The following PTPRD variants were observed in gnomAD, a reference collection of about 807,000 sequenced individuals.
PTPRD encodes protein tyrosine phosphatase receptor type D.
A neutral mutation model predicts 214.5 loss-of-function variants in PTPRD; 34 were observed. That is an observed-to-expected ratio of 0.16 (90% CI 0.12 to 0.21). PTPRD has a LOEUF of 0.21. PTPRD is among the 10% of genes least tolerant of loss of function. The probability of loss-of-function intolerance (pLI) is 1.00; values close to 1 mark genes in which losing one functional copy is unlikely to be tolerated. For synonymous variants in PTPRD, 1,128 were observed against 845.7 expected (o/e 1.33, Z -5.79); for missense variants, 2,545 against 2,398.7 (o/e 1.06, Z -1.27).
intron 22 of PTPRD, among the ~76,000 whole-genome samples, chr9:8,506,246 GA>G (rs1351295145): frequency 2.6e-5 from 4 of 152,106 alleles, no homozygotes; most frequent in Admixed American, 2.0e-4. Flanking sequence ...ACTTTGTGAA[GA>G]TTTTTTTTTC....
chr9:10,142,675 T>C (rs2154268606), intron 3 of PTPRD, among the ~76,000 whole-genome samples: 1 of 148,820 alleles, frequency 6.7e-6, no homozygotes, highest in South Asian at 2.2e-4. Flanking sequence ...ACACTGTTGG[T>C]GGGACTGTAA....
intron 9 of PTPRD, among the ~76,000 whole-genome samples, chr9:9,200,475 A>G (rs2099941228): frequency 6.6e-6 from 1 of 152,210 alleles, no homozygotes; most frequent in African/African-American, 2.4e-5. Context: ...CCTATGAGCA[A>G]TATATTTTGT....
intron 44 of PTPRD, among the ~76,000 whole-genome samples, chr9:8,324,514 G>C (rs1831651525): frequency 6.6e-6 from 1 of 152,060 alleles, no homozygotes; most frequent in South Asian, 2.1e-4. Context: ...TGGACATTTG[G>C]GTTGCTTACA....
chr9:10,248,613 C>T (rs187655129), intron 3 of PTPRD, among the ~76,000 whole-genome samples: 20 of 151,362 alleles, frequency 1.3e-4, no homozygotes, highest in Non-Finnish European at 1.3e-4. Flanking sequence ...TAAAAGTTTC[C>T]GTACCAGACA....
chr9:10,447,078 C>T (rs2098805208), intron 2 of PTPRD, among the ~76,000 whole-genome samples: 1 of 152,082 alleles, frequency 6.6e-6, no homozygotes, highest in African/African-American at 2.4e-5. Flanking sequence ...AGAGAGAAAA[C>T]TTTTGCCAAC....
At chr9:10,481,726 T>A (rs763997240) in intron 2 of PTPRD, among the ~76,000 whole-genome samples, 92 of 152,194 alleles carry the variant, frequency 6.0e-4, no homozygotes, top group Non-Finnish European at 1.1e-3. Flanking sequence ...AGTGAAAACA[T>A]TTTTTAATTA....
chr9:8,826,681 C>G (rs2097182280), intron 11 of PTPRD, among the ~76,000 whole-genome samples: 1 of 147,736 alleles, frequency 6.8e-6, no homozygotes, highest in Admixed American at 6.8e-5. Context: ...ATTGTGTATT[C>G]ATCCATTATT....
At chr9:8,990,124 TTTAA>T (rs1332502941) in intron 11 of PTPRD, among the ~76,000 whole-genome samples, 1 of 152,134 alleles carries the variant, frequency 6.6e-6, no homozygotes, top group African/African-American at 2.4e-5. Flanking sequence ...GCCACAAAAC[TTTAA>T]TATCTCCAAG....
At chr9:10,446,583 A>T (rs1291944121) in intron 2 of PTPRD, among the ~76,000 whole-genome samples, 3 of 151,976 alleles carry the variant, frequency 2.0e-5, no homozygotes, top group Non-Finnish European at 2.9e-5. Flanking sequence ...GTTCTTTTCA[A>T]ACTGAGGAGC....
intron 5 of PTPRD, among the ~76,000 whole-genome samples, chr9:9,810,134 A>T (rs1304243495): frequency 2.8e-5 from 1 of 35,344 alleles, no homozygotes. Flanking sequence ...CTTCCAGGTT[A>T]AAAAAAAAAA....
At chr9:8,920,553 A>C (rs1272051136) in intron 11 of PTPRD, among the ~76,000 whole-genome samples, 1 of 152,130 alleles carries the variant, frequency 6.6e-6, no homozygotes, top group Non-Finnish European at 1.5e-5. Context: ...TCACACATAA[A>C]ATACACTAAC....
intron 9 of PTPRD, among the ~76,000 whole-genome samples, chr9:9,329,912 C>A (rs535732187): frequency 6.6e-6 from 1 of 152,154 alleles, no homozygotes; most frequent in Non-Finnish European, 1.5e-5. Flanking sequence ...ATTCCTAGGG[C>A]CCTACCTTCT....
At chr9:10,495,056 T>A (rs1253064805) in intron 2 of PTPRD, among the ~76,000 whole-genome samples, 1 of 151,836 alleles carries the variant, frequency 6.6e-6, no homozygotes, top group Non-Finnish European at 1.5e-5. Flanking sequence ...TTCACATTTA[T>A]CACATGATTT....
chr9:9,682,754 C>CA (rs2097098434), intron 7 of PTPRD, among the ~76,000 whole-genome samples: 1 of 151,708 alleles, frequency 6.6e-6, no homozygotes, highest in South Asian at 2.1e-4. Flanking sequence ...CTCCAGCATG[C>CA]AAAATCCTTT....
intron 5 of PTPRD, among the ~76,000 whole-genome samples, chr9:9,936,995 T>A (rs1335682714): frequency 6.6e-6 from 1 of 151,610 alleles, no homozygotes; most frequent in African/African-American, 2.4e-5. Context: ...AAACCCCACA[T>A]ATTCTCACTC....
chr9:9,919,070 C>T (rs1230164544), intron 5 of PTPRD, among the ~76,000 whole-genome samples: 1 of 151,996 alleles, frequency 6.6e-6, no homozygotes, highest in Non-Finnish European at 1.5e-5. Context: ...TGTTAAACAA[C>T]TAAAAATAGC....
chr9:9,802,692 G>A (rs1358205324), intron 5 of PTPRD, among the ~76,000 whole-genome samples: 1 of 151,474 alleles, frequency 6.6e-6, no homozygotes. Flanking sequence ...ATCCAGAATA[G>A]GACCTAGCTT....
intron 7 of PTPRD, among the ~76,000 whole-genome samples, chr9:9,599,703 G>C (rs2093615478): frequency 6.6e-6 from 1 of 151,422 alleles, no homozygotes; most frequent in African/African-American, 2.4e-5. Context: ...AATTCTAATT[G>C]CTATAATCAG....
At chr9:9,479,953 G>T (rs1461916659) in intron 8 of PTPRD, among the ~76,000 whole-genome samples, 1 of 152,146 alleles carries the variant, frequency 6.6e-6, no homozygotes, top group Non-Finnish European at 1.5e-5. Flanking sequence ...AGGCTACTCA[G>T]AAAGACTGTC....
Sources: gnomAD v4.1 joint callset for allele counts (sites outside exome capture counted in the v4.1 genomes callset) on GRCh38, gnomAD v4.1.1 for gene constraint, MANE v1.5 for transcripts, NCBI Gene and HGNC (gene_info 2026-07-23, HGNC 2026-07-21) for gene names.